SUMF1: variants seen among roughly 807,000 people sequenced by gnomAD.
SUMF1 encodes the protein formylglycine-generating enzyme.
A neutral mutation model predicts 47.6 loss-of-function variants in SUMF1; 48 were observed. That is an observed-to-expected ratio of 1.01 (90% confidence interval 0.80 to 1.28). The LOEUF (loss-of-function observed/expected upper bound fraction) is 1.28. SUMF1 is among the 50% of genes most tolerant of loss of function. SUMF1 has a pLI of 0.00. For synonymous variants in SUMF1, 230 were observed against 192.1 expected (o/e 1.20, Z -1.63); for missense variants, 571 against 485.4 (o/e 1.18, Z -1.66).
At chr3:4,059,447 A>G (rs142558100) in intron 9 of SUMF1, among the ~76,000 whole-genome samples, 1 of 152,296 alleles carries the variant, frequency 6.6e-6, no homozygotes, top group Non-Finnish European at 1.5e-5. Flanking sequence ...AAGGACATCT[A>G]AAAGTGCAGC....
At chr3:4,165,801 G>A (rs1694686934) in intron 8 of SUMF1, among the ~76,000 whole-genome samples, 1 of 131,542 alleles carries the variant, frequency 7.6e-6, no homozygotes, top group African/African-American at 2.9e-5. Flanking sequence ...GGGTGAACCT[G>A]TTGATGCCTG....
At chr3:4,313,529 C>T (rs759710440) in intron 8 of SUMF1, 1 of 1,613,832 alleles carries the variant, frequency 6.2e-7, no homozygotes, top group Non-Finnish European at 8.5e-7. Flanking sequence ...TATGATTATT[C>T]AGGAAGATAT....
chr3:4,395,790 C>T (rs1043825503), intron 7 of SUMF1, among the ~76,000 whole-genome samples: 1 of 152,166 alleles, frequency 6.6e-6, no homozygotes, highest in Non-Finnish European at 1.5e-5. Flanking sequence ...CTTTCAGACC[C>T]CAAAGTCTAT....
At chr3:4,409,558 T>C (rs1421001093) in intron 7 of SUMF1, among the ~76,000 whole-genome samples, 5 of 152,216 alleles carry the variant, frequency 3.3e-5, no homozygotes, top group Admixed American at 2.0e-4. Context: ...AGCATGCAGA[T>C]GCTTTTATCT....
chr3:4,316,260 T>C (rs759585046), intron 8 of SUMF1: 1 of 813,694 alleles, frequency 1.2e-6, no homozygotes. Flanking sequence ...AATTTTCTTA[T>C]TCGAGTTCAA....
At chr3:4,432,975 T>C (rs896891940) in intron 3 of SUMF1, among the ~76,000 whole-genome samples, 1 of 152,216 alleles carries the variant, frequency 6.6e-6, no homozygotes, top group African/African-American at 2.4e-5. Context: ...TAAATAGTCT[T>C]TCAGTGGGAT....
At chr3:4,400,061 G>A (rs1469278086) in intron 7 of SUMF1, among the ~76,000 whole-genome samples, 1 of 152,050 alleles carries the variant, frequency 6.6e-6, no homozygotes, top group East Asian at 1.9e-4. Flanking sequence ...TTCTGTTCTC[G>A]ATTCATACCT....
intron 8 of SUMF1, among the ~76,000 whole-genome samples, chr3:4,236,153 C>G (rs1288672249): frequency 6.6e-6 from 1 of 152,018 alleles, no homozygotes; most frequent in Non-Finnish European, 1.5e-5. Flanking sequence ...CCAGGCTGGT[C>G]TTGAACTTCT....
chr3:4,362,462 G>A (rs367671223), intron 8 of SUMF1, among the ~76,000 whole-genome samples: 16 of 152,144 alleles, frequency 1.1e-4, no homozygotes, highest in African/African-American at 2.4e-4. Context: ...AATGTAACAC[G>A]GATATAGTAC....
intron 6 of SUMF1, 27 bp downstream of exon 6, chr3:4,417,101 C>A: frequency 6.2e-7 from 1 of 1,607,504 alleles, no homozygotes; most frequent in Non-Finnish European, 8.5e-7. Flanking sequence ...GCAGCTGCCA[C>A]CCTCCTGCAG....
At chr3:4,289,353 G>A (rs1697696021) in intron 8 of SUMF1, among the ~76,000 whole-genome samples, 1 of 152,148 alleles carries the variant, frequency 6.6e-6, no homozygotes, top group Non-Finnish European at 1.5e-5. Flanking sequence ...AATCCTATGA[G>A]ACTGGCATTA....
chr3:4,280,814 CGTGTGTGTGTGTGTGTGTGTGTGTGTGT>C (rs56919301), intron 8 of SUMF1, among the ~76,000 whole-genome samples: 3,178 of 138,100 alleles, frequency 0.023, 58 homozygotes, highest in Middle Eastern at 0.033. Context: ...TGGCATTCAC[CGTGTGTGTGTGTGTGTGTGTGTGTGTGT>C]GTGTGTGTGT....
chr3:4,086,505 G>A (rs998078896), intron 8 of SUMF1, among the ~76,000 whole-genome samples: 8 of 152,170 alleles, frequency 5.3e-5, no homozygotes, highest in South Asian at 4.1e-4. Flanking sequence ...TGTTAGGCAA[G>A]TCATTTAACC....
chr3:4,066,239 A>G (rs147486974), intron 9 of SUMF1, among the ~76,000 whole-genome samples: 24 of 152,222 alleles, frequency 1.6e-4, no homozygotes, highest in Non-Finnish European at 2.9e-4. Flanking sequence ...GGATGAAATG[A>G]TATCAGTTCA....
At chr3:4,453,321 G>T (rs1297524543) in intron 1 of SUMF1, among the ~76,000 whole-genome samples, 3 of 152,050 alleles carry the variant, frequency 2.0e-5, no homozygotes, top group Non-Finnish European at 4.4e-5. Context: ...TGGAATAACA[G>T]TCACCAAGCC....
Position 4,273,718 on chromosome 3 carries a change from A to AGGGAGGATACGGGAG in SUMF1, c.1014+102597_1014+102611dup, listed in dbSNP as rs1697350639. On this transcript the variant is annotated intron_variant and NMD_transcript_variant, in intron 8 of 12. Transcript: ENST00000448413. ...GAGGATACGGGAGGGAGGATACGGG[A>AGGGAGGATACGGGAG]GGGAGGATACGGGAGGGAGGATACG... Among the ~76,000 whole-genome samples, 5 of 47,320 alleles carry AGGGAGGATACGGGAG rather than the reference A, an allele frequency of 1.1e-4. No homozygotes were observed. In the East Asian group the frequency reaches 2.4e-3, roughly 23 times the overall value. 31.0% of individuals were successfully genotyped at this position (47,320 alleles called of 152,430 possible). A position where few individuals can be genotyped will look rare whatever the true frequency, so the allele number is the denominator to read the frequency against.
At chr3:4,071,819 C>A (rs1006143019) in intron 8 of SUMF1, among the ~76,000 whole-genome samples, 5 of 152,200 alleles carry the variant, frequency 3.3e-5, no homozygotes, top group East Asian at 1.9e-4. Context: ...AAAAACCCCT[C>A]ATCTCCCTGG....
intron 8 of SUMF1, among the ~76,000 whole-genome samples, chr3:4,123,718 T>C (rs561231099): frequency 6.6e-6 from 1 of 152,288 alleles, no homozygotes; most frequent in South Asian, 2.1e-4. Flanking sequence ...TAACATTCCA[T>C]ACAATCATAG....
At chr3:4,274,959 C>A (rs1442051952) in intron 8 of SUMF1, among the ~76,000 whole-genome samples, 2 of 152,122 alleles carry the variant, frequency 1.3e-5, no homozygotes, top group Admixed American at 6.5e-5. Context: ...AAATGTCAAA[C>A]AGGCCTGATG....
Sources: allele counts gnomAD v4.1 joint callset (sites outside exome capture counted in the v4.1 genomes callset), GRCh38; gene constraint gnomAD v4.1.1; transcripts MANE v1.5; gene names NCBI Gene and HGNC (gene_info 2026-07-23, HGNC 2026-07-21).